SH3TC1: variants seen among roughly 807,000 people sequenced by gnomAD.
SH3TC1 encodes the protein SH3 domain and tetratricopeptide repeats 1, also known as SH3 domain and tetratricopeptide repeat-containing protein 1.
In SH3TC1, 135 loss-of-function variants were observed where a neutral mutation model predicts 117.3. That is an observed-to-expected ratio of 1.15 (90% confidence interval 1.00 to 1.33). The LOEUF (loss-of-function observed/expected upper bound fraction) is 1.33, where lower values mean the gene tolerates loss of function less well. Ranked by LOEUF, SH3TC1 falls within the 40% of genes most tolerant of loss-of-function variation. SH3TC1 has a pLI of 0.00. For missense variants in SH3TC1, 2,092 were observed against 1,794.3 expected (o/e 1.17, Z -3.00); for synonymous variants, 898 against 816.9 (o/e 1.10, Z -1.69).
intron 12 of SH3TC1, chr4:8,231,563 T>C (rs772098314): frequency 6.4e-4 from 114 of 178,474 alleles, no homozygotes; most frequent in Non-Finnish European, 1.2e-3. Flanking sequence ...GGGCCGGCTT[T>C]GAGCCCCATT....
chr4:8,215,734 TGCGGG>T (rs1461610760), intron 5 of SH3TC1, among the ~76,000 whole-genome samples: 1 of 152,180 alleles, frequency 6.6e-6, no homozygotes, highest in East Asian at 1.9e-4. Flanking sequence ...CAGCTCATGA[TGCGGG>T]GCGGGGCTTG....
chr4:8,221,676 A>G (rs1162270217), intron 9 of SH3TC1, among the ~76,000 whole-genome samples: 1 of 152,210 alleles, frequency 6.6e-6, no homozygotes, highest in Non-Finnish European at 1.5e-5. Flanking sequence ...TGTGGTTCCT[A>G]AAACCAGGAC....
At chr4:8,235,120 G>A (rs1194272461) in intron 14 of SH3TC1, among the ~76,000 whole-genome samples, 1 of 152,242 alleles carries the variant, frequency 6.6e-6, no homozygotes, top group Non-Finnish European at 1.5e-5. Context: ...CAGGGGATGG[G>A]CTCCCAGCAA....
chr4:8,239,461 C>T (rs1288452009), intron 17 of SH3TC1, among the ~76,000 whole-genome samples: 1 of 151,040 alleles, frequency 6.6e-6, no homozygotes, highest in African/African-American at 2.4e-5. Context: ...CGCAGATGCA[C>T]ACAGGCATAT....
chr4:8,194,534 T>C (rs1053131172), upstream of SH3TC1, among the ~76,000 whole-genome samples: 2 of 152,194 alleles, frequency 1.3e-5, no homozygotes, highest in African/African-American at 4.8e-5. Flanking sequence ...TGGCTTGTTT[T>C]GTTTTCTCTC....
chr4:8,207,064 A>C (rs1718270102), intron 2 of SH3TC1, among the ~76,000 whole-genome samples: 1 of 133,146 alleles, frequency 7.5e-6, no homozygotes, highest in East Asian at 2.3e-4. Context: ...TATCCCAATA[A>C]TATCCTTTAT....
At chr4:8,213,040 T>C (rs1712288) in intron 4 of SH3TC1, 19,120 of 613,714 alleles carry the variant, frequency 0.031, 391 homozygotes, top group African/African-American at 0.071. Flanking sequence ...GGCACTGTGA[T>C]CGTCCCTCTG....
chr4:8,232,350 T>G, intron 13 of SH3TC1, 194 bp downstream of exon 13: 1 of 1,569,556 alleles, frequency 6.4e-7, no homozygotes, highest in Non-Finnish European at 8.7e-7. Context: ...AGTCCCAGCT[T>G]GAGCTTCCCT....
intron 7 of SH3TC1, 132 bp downstream of exon 7, chr4:8,217,299 T>A: frequency 8.8e-7 from 1 of 1,130,830 alleles, no homozygotes; most frequent in Non-Finnish European, 1.3e-6. Flanking sequence ...GGCCTTGTTC[T>A]GCTGCTTCCC....
At chr4:8,239,598 G>T (rs1413171957) in intron 17 of SH3TC1, among the ~76,000 whole-genome samples, 1 of 151,008 alleles carries the variant, frequency 6.6e-6, no homozygotes, top group Non-Finnish European at 1.5e-5. Context: ...ACACAGGCAC[G>T]TGCACACACA....
At chr4:8,221,945 G>A (rs564708184) in intron 9 of SH3TC1, among the ~76,000 whole-genome samples, 5 of 151,860 alleles carry the variant, frequency 3.3e-5, no homozygotes, top group Admixed American at 3.3e-4. Context: ...GCTACTCTAA[G>A]TTTTTTTAAA....
At position 8,222,882 on chromosome 4, in the gene SH3TC1, C is replaced by T; in HGVS notation, c.1155C>T (p.Phe385=). The change falls in exon 10 of 18, where the codon TTC becomes TTT. Residue 385 remains phenylalanine, a synonymous_variant. Transcript: ENST00000245105. Reference sequence around the variant, plus strand: ...TTCTCAATGAGGAAGAAAAGTCATTCTTCAGCGAGGGCTGCTTTTCTGAGG... The same window carrying T: ...TTCTCAATGAGGAAGAAAAGTCATTTTTCAGCGAGGGCTGCTTTTCTGAGG... The part of the protein sequence containing the change: ...AIFLNEEEKS[F]FSEGCFSEED... The T allele has an allele frequency of 6.2e-7, 1 of 1,613,750 alleles. No individual in the cohort carries two copies.
At position 8,227,874 on chromosome 4, in the gene SH3TC1, T is replaced by C; in HGVS notation, c.2180T>C (p.Leu727Pro). ...YSRKCLPHLV[L>P]SCVKVASLRT... is the part of the protein sequence containing the mutation. ...CGCAAGTGCCTGCCCCACCTGGTGC[T>C]GAGCTGTGTCAAGGTGGCCTCATTG... is the stretch of plus-strand genomic sequence containing the variant. Residue 727 changes from leucine to proline, a missense_variant, in exon 12 of 18, where the codon CTG becomes CCG. Leu to Pro is a moderately conservative substitution (Grantham distance 98, BLOSUM62 -3). Coordinates refer to ENST00000245105, the MANE Select transcript of SH3TC1 (RefSeq NM_018986.5). The C allele has an allele frequency of 6.2e-7, 1 of 1,612,836 alleles. No homozygotes were observed. Among genetic ancestry groups the C allele is most frequent in the African/African-American group, 1.3e-5 (1 of 75,054 alleles).
At chr4:8,197,410 C>T (rs116008879), upstream of SH3TC1, among the ~76,000 whole-genome samples, 1,524 of 152,270 alleles carry the variant, frequency 0.01, 18 homozygotes, top group African/African-American at 0.035. Context: ...TGCCCCTCGA[C>T]GAGGCCAGAG....
chr4:8,220,422 T>C (rs1211302198), intron 9 of SH3TC1, among the ~76,000 whole-genome samples: 2 of 149,898 alleles, frequency 1.3e-5, no homozygotes, highest in Non-Finnish European at 3.0e-5. Context: ...CGCCTCTTCC[T>C]ATGTGATTTA....
intron 16 of SH3TC1, chr4:8,237,190 T>G: frequency 2.7e-6 from 1 of 368,860 alleles, no homozygotes; most frequent in Non-Finnish European, 4.8e-6. Flanking sequence ...CTGCATGCCT[T>G]TTGGGCTCTC....
chr4:8,202,929 C>T (rs1486251644), intron 1 of SH3TC1, among the ~76,000 whole-genome samples: 2 of 152,228 alleles, frequency 1.3e-5, no homozygotes, highest in Non-Finnish European at 2.9e-5. Context: ...CCCGCCCCTG[C>T]TCTGCTGATG....
At chr4:8,203,937 G>T (rs1035148752) in intron 1 of SH3TC1, among the ~76,000 whole-genome samples, 1 of 152,184 alleles carries the variant, frequency 6.6e-6, no homozygotes, top group Admixed American at 6.5e-5. Context: ...TGGGGATAAG[G>T]ACAGGAGGCT....
At chr4:8,216,808 A>C in intron 6 of SH3TC1, 149 bp from the exon 7 acceptor site, 1 of 741,394 alleles carries the variant, frequency 1.3e-6, no homozygotes, top group East Asian at 2.7e-5. Flanking sequence ...TCTCCTTCTG[A>C]GCCCCTTTGG....
Sources: gnomAD v4.1 joint callset for allele counts (sites outside exome capture counted in the v4.1 genomes callset) on GRCh38, gnomAD v4.1.1 for gene constraint, MANE v1.5 for transcripts, NCBI Gene and HGNC (gene_info 2026-07-23, HGNC 2026-07-21) for gene names.